COPG1: variants seen among roughly 807,000 people sequenced by gnomAD.
The protein encoded by COPG1 is coatomer subunit gamma-1.
In COPG1, 29 loss-of-function variants were observed where a neutral mutation model predicts 102.8. The ratio of observed to expected loss-of-function variants is 0.28; its 90% confidence interval spans 0.21 to 0.38. The LOEUF is 0.38. COPG1 is among the 10% of genes least tolerant of loss of function. The pLI is 1.00. For missense variants in COPG1, 875 were observed against 1,132.7 expected, an observed-to-expected ratio of 0.77 and a Z score of 3.27; for synonymous variants, 406 against 421.6, an observed-to-expected ratio of 0.96 and a Z score of 0.45.
chr3:129,262,202 C>T (rs572817410), intron 12 of COPG1, among the ~76,000 whole-genome samples: 24 of 151,422 alleles, frequency 1.6e-4, no homozygotes, highest in Middle Eastern at 6.9e-3. Flanking sequence ...TCACTTGAGG[C>T]CTGAATTTTG....
rs1361682174 is a variant in COPG1 at position 129,271,349 on chromosome 3, A to G, written c.1844-418A>G. On this transcript the variant is annotated intron_variant, in intron 18 of 23. Transcript: ENST00000314797. This position sits in a 1 kb window ranked among gnomAD's most constrained non-coding sequence, Gnocchi z 4.7. ...GATAAATATATAGGACCAGTTTGTT[A>G]TTTTGTCTGATTTTGTAGCTATAGC... Among the ~76,000 whole-genome samples the G allele has an allele frequency of 6.6e-6, 1 of 152,160 alleles. No homozygotes were observed. The highest frequency in any genetic ancestry group is 1.5e-5 in the Non-Finnish European group (1 of 68,018).
intron 23 of COPG1, among the ~76,000 whole-genome samples, chr3:129,276,390 T>C (rs1940270214): frequency 6.6e-6 from 1 of 152,252 alleles, no homozygotes; most frequent in Non-Finnish European, 1.5e-5. Context: ...GCATTTTATA[T>C]GTAAATCCTG....
At chr3:129,252,752 G>A in intron 4 of COPG1, 58 bp downstream of exon 4, 1 of 1,565,030 alleles carries the variant, frequency 6.4e-7, no homozygotes, top group Non-Finnish European at 8.8e-7. Context: ...GGTGGTGGGA[G>A]GGCCAAAGAG....
intron 15 of COPG1, among the ~76,000 whole-genome samples, 158 bp from the exon 16 acceptor site, chr3:129,267,779 C>A (rs556066735): frequency 6.6e-6 from 1 of 152,296 alleles, no homozygotes; most frequent in East Asian, 1.9e-4. Context: ...ACTCAGTGTT[C>A]ATGAGTGTGG....
At chr3:129,274,158 G>C (rs1203877052) in intron 21 of COPG1, 1 of 455,320 alleles carries the variant, frequency 2.2e-6, no homozygotes, top group Non-Finnish European at 4.4e-6. Flanking sequence ...GAGAGAGCTG[G>C]GTCTGTTTGA....
At position 129,260,672 on chromosome 3, in the gene COPG1, C is replaced by T. The variant is rs764781011; in HGVS notation, c.993C>T (p.Asn331=). 68 of 1,614,140 alleles carry T rather than the reference C, an allele frequency of 4.2e-5. 7 individuals carry two copies. Among genetic ancestry groups the T allele is most frequent in the Admixed American group, 2.3e-4 (14 of 60,022 alleles). ...CAGCTTGTAATCTGGATCTGGAGAA[C>T]CTGGTCACAGATTCAAACCGCAGCA... ...AVTACNLDLE[N]LVTDSNRSIA... is the part of the protein sequence containing the mutation. Residue 331 remains asparagine, a synonymous_variant, in exon 12 of 24, where the codon AAC becomes AAT. Coordinates refer to ENST00000314797, the MANE Select transcript of COPG1 (RefSeq NM_016128.4).
chr3:129,254,645 T>C, intron 5 of COPG1, 23 bp from the exon 6 acceptor site: 1 of 1,605,844 alleles, frequency 6.2e-7, no homozygotes, highest in Non-Finnish European at 8.5e-7. Flanking sequence ...CTCTGCATGC[T>C]GACAATGCCT....
chr3:129,249,648 C>T lies in COPG1; in HGVS notation c.-62C>T, dbSNP rs908527658. 7 of 1,538,746 alleles carry T rather than the reference C, an allele frequency of 4.5e-6. No individual in the cohort carries two copies. The highest frequency in any genetic ancestry group is 3.9e-5 in the Admixed American group (2 of 50,862). ...GGTCCCTGTAGAACCACTGTGGCAC[C>T]GCTACTCCGTGCCGCGCCCGTCGAG... On this transcript the variant is annotated 5_prime_UTR_variant, in exon 1 of 24. Coordinates refer to ENST00000314797, the MANE Select transcript of COPG1 (RefSeq NM_016128.4).
intron 10 of COPG1, 134 bp downstream of exon 10, chr3:129,257,994 C>A: frequency 9.0e-7 from 1 of 1,111,876 alleles, no homozygotes; most frequent in Non-Finnish European, 1.3e-6. Context: ...AAGCACCTGC[C>A]CCAGACACTA....
At chr3:129,258,750 C>T (rs1939864865) in intron 10 of COPG1, among the ~76,000 whole-genome samples, 1 of 152,196 alleles carries the variant, frequency 6.6e-6, no homozygotes, top group South Asian at 2.1e-4. Flanking sequence ...GCCACTGCGC[C>T]CAGCCGTTGT....
chr3:129,274,894 C>T lies in COPG1; in HGVS notation c.2313C>T (p.Asn771=). The change falls in exon 22 of 24, where the codon AAC becomes AAT. Residue 771 remains asparagine (N), a synonymous_variant. Coordinates refer to ENST00000314797, the MANE Select transcript of COPG1 (RefSeq NM_016128.4). The part of the protein sequence containing the change: ...ADHIQKVMKL[N]FEAAWDEVGD... ...ACATTCAAAAGGTCATGAAACTGAACTTCGAAGCAGCCTGGGATGAGGTAG... is the reference window on the plus strand; with the variant it reads ...ACATTCAAAAGGTCATGAAACTGAATTTCGAAGCAGCCTGGGATGAGGTAG... 2 of 1,614,158 alleles carry T rather than the reference C, an allele frequency of 1.2e-6. No individual in the cohort carries two copies. Among genetic ancestry groups the T allele is most frequent in the South Asian group, 2.2e-5 (2 of 91,088 alleles).
At chr3:129,276,666 C>T (rs1418467749) in intron 23 of COPG1, among the ~76,000 whole-genome samples, 1 of 152,134 alleles carries the variant, frequency 6.6e-6, no homozygotes. Flanking sequence ...CATTTGTGCT[C>T]TCAGATTCAG....
At chr3:129,272,047 G>A in intron 19 of COPG1, 138 bp downstream of exon 19, 1 of 1,110,432 alleles carries the variant, frequency 9.0e-7, no homozygotes, top group Admixed American at 2.5e-5. Flanking sequence ...GTCCCCAACA[G>A]GTCGGTCTCT....
rs746161070 is a variant in COPG1 at position 129,277,403 on chromosome 3, C to A, written c.2604C>A (p.Ile868=). 3 of 1,613,872 alleles carry A rather than the reference C, an allele frequency of 1.9e-6. No individual in the cohort carries two copies. Among genetic ancestry groups the A allele is most frequent in the Non-Finnish European group, 2.5e-6 (3 of 1,179,910 alleles). Residue 868 remains isoleucine (I), a synonymous_variant, in exon 24 of 24, where the codon ATC becomes ATA. Coordinates refer to ENST00000314797, the MANE Select transcript of COPG1 (RefSeq NM_016128.4). ...ARSLEELPVD[I]ILASVG ...GTTTGGAGGAGCTGCCAGTAGACAT[C>A]ATCTTGGCATCTGTGGGATAAGAGG...
At position 129,277,348 on chromosome 3, in the gene COPG1, A is replaced by T. The variant is rs1212537629; in HGVS notation, c.2549A>T (p.Asp850Val). Reference protein sequence around the residue: ...ILVRSRLLLLDTVTMQVTARS... With the variant: ...ILVRSRLLLLVTVTMQVTARS... ...GTGCGCTCCCGGCTGCTGCTTTTGG[A>T]CACAGTGACAATGCAGGTGACAGCC... The change falls in exon 24 of 24, where the codon GAC (aspartate) becomes GTC (valine). Residue 850 changes from aspartate to valine, a missense_variant. Coordinates refer to ENST00000314797, the MANE Select transcript of COPG1 (RefSeq NM_016128.4). 6.2e-7 allele frequency: 1 copy of T among 1,613,752 alleles called. No individual in the cohort carries two copies. Among genetic ancestry groups the T allele is most frequent in the Non-Finnish European group, 8.5e-7 (1 of 1,179,970 alleles).
chr3:129,271,965 G>C lies in COPG1; in HGVS notation c.1986+56G>C. The stretch of plus-strand genomic sequence containing the variant: ...GCATGCGCCCAGGGAGTTGTCCCAG[G>C]TCTGGCAGGTCCTGTAGGGTCATGG... On this transcript the variant is annotated intron_variant, in intron 19 of 23. Transcript: ENST00000314797. The surrounding 1 kb of genome is among the most constrained non-coding windows in gnomAD (Gnocchi z 4.7). 1 of 1,585,878 alleles carries C rather than the reference G, an allele frequency of 6.3e-7. No homozygotes were observed. The highest frequency in any genetic ancestry group is 1.1e-5 in the South Asian group (1 of 87,138).
At chr3:129,268,815 C>G (rs1246984819) in intron 17 of COPG1, 117 bp from the exon 18 acceptor site, 1 of 1,147,564 alleles carries the variant, frequency 8.7e-7, no homozygotes, top group African/African-American at 1.5e-5. Flanking sequence ...ATGTCTTCTG[C>G]TTCCCACTCT....
intron 10 of COPG1, 66 bp from the exon 11 acceptor site, chr3:129,260,267 G>A (rs1180312797): frequency 2.9e-5 from 41 of 1,431,164 alleles, no homozygotes; most frequent in Non-Finnish European, 3.6e-5. Context: ...CAGAACAGTA[G>A]CCCCCGGTTT....
At chr3:129,273,501 G>A (rs1940218777) in intron 21 of COPG1, among the ~76,000 whole-genome samples, 1 of 152,162 alleles carries the variant, frequency 6.6e-6, no homozygotes, top group Non-Finnish European at 1.5e-5. Flanking sequence ...TGTAGACCTT[G>A]CTATTTTAAA....
Sources: allele counts gnomAD v4.1 joint callset (sites outside exome capture counted in the v4.1 genomes callset), GRCh38; gene constraint gnomAD v4.1.1; non-coding constraint Gnocchi (gnomAD v3.1); transcripts MANE v1.5; gene names NCBI Gene and HGNC (gene_info 2026-07-23, HGNC 2026-07-21).